Variants in GFOD1 observed in about 807,000 individuals in gnomAD.
GFOD1 encodes glucose-fructose oxidoreductase domain-containing protein 1.
Under a neutral mutation model 25.4 loss-of-function variants are expected in GFOD1, and 9 were observed. The observed-to-expected ratio is 0.35, with a 90% CI of 0.21 to 0.62. The LOEUF (loss-of-function observed/expected upper bound fraction) is 0.62, where lower values mean the gene tolerates loss of function less well. Ranked by LOEUF, GFOD1 falls within the 20% of genes least tolerant of loss-of-function variation. The probability of loss-of-function intolerance (pLI) is 0.72; values close to 1 mark genes in which losing one functional copy is unlikely to be tolerated. For missense variants in GFOD1, 403 were observed against 556.9 expected, an observed-to-expected ratio of 0.72 and a Z score of 2.78; for synonymous variants, 253 against 245.6, an observed-to-expected ratio of 1.03 and a Z score of -0.28.
chr6:13,384,119 C>G (rs2127559307), intron 1 of GFOD1, among the ~76,000 whole-genome samples: 1 of 152,262 alleles, frequency 6.6e-6, no homozygotes, highest in Non-Finnish European at 1.5e-5. Context: ...CCCAGCTACT[C>G]AGGAGGCTGA....
intron 1 of GFOD1, among the ~76,000 whole-genome samples, chr6:13,414,556 T>C (rs930918932): frequency 2.0e-5 from 3 of 152,210 alleles, no homozygotes; most frequent in Non-Finnish European, 4.4e-5. Context: ...GTTCAATTCC[T>C]GGCATGGCCA....
In GFOD1 at chr6:13,447,798, T is replaced by G. The variant is rs900444157; in HGVS notation, c.253+38840A>C. Among the ~76,000 whole-genome samples the G allele has an allele frequency of 1.5e-4, 20 of 134,880 alleles. No homozygotes were observed. The Admixed American group carries it at 1.5e-3, about 10-fold the overall frequency. 88.5% of individuals were successfully genotyped at this position (134,880 alleles called of 152,430 possible). On this transcript the variant is annotated intron_variant, in intron 1 of 1. Transcript: ENST00000379287. ...AGTTTTCCAGTCAAAGCAAAGTCATTAGGGAAAAGGCATCAATCAAAAAAG... is the reference window on the plus strand; with the variant it reads ...AGTTTTCCAGTCAAAGCAAAGTCATGAGGGAAAAGGCATCAATCAAAAAAG...
At position 13,409,121 on chromosome 6, in the gene GFOD1, GA is replaced by G. The variant is rs1184244508; in HGVS notation, c.254-43460del. On this transcript the variant is annotated intron_variant, in intron 1 of 1. Transcript: ENST00000379287. ...AGAAAGAAAGAAAGAAAGAAAGAAAGAAAGAAAGAAAGAAAGAAAGAAAGAA... is the reference window on the plus strand; with the variant it reads ...AGAAAGAAAGAAAGAAAGAAAGAAAGAAGAAAGAAAGAAAGAAAGAAAGAA... Among the ~76,000 whole-genome samples the G allele has an allele frequency of 1.6e-4, 10 of 62,054 alleles. 1 individual carries two copies. The highest frequency in any genetic ancestry group is 2.8e-4 in the Non-Finnish European group (7 of 24,756). 40.7% of individuals were successfully genotyped at this position (62,054 alleles called of 152,430 possible). A position where few individuals can be genotyped will look rare whatever the true frequency, so the allele number is the denominator to read the frequency against.
At chr6:13,390,777 GAGAAA>G (rs1785580584) in intron 1 of GFOD1, among the ~76,000 whole-genome samples, 1 of 75,424 alleles carries the variant, frequency 1.3e-5, no homozygotes, top group African/African-American at 4.7e-5. Flanking sequence ...GAGAGAGAGA[GAGAAA>G]GGAAGGAAGG....
Position 13,365,776 on chromosome 6 carries a change from G to A in GFOD1, c.254-114C>T. On this transcript the variant is annotated intron_variant, in intron 1 of 1. Transcript: ENST00000379287. The surrounding 1 kb of genome is among the most constrained non-coding windows in gnomAD (Gnocchi z 9.2). ...ATAGAAAAAGAAGGTCAGATGTGGT[G>A]GCTCATGCCTGTTGTCCCAGCACTT... The A allele has an allele frequency of 2.4e-6, 2 of 849,384 alleles. No homozygotes were observed. The highest frequency in any genetic ancestry group is 3.6e-6 in the Non-Finnish European group (2 of 557,302). The allele number at this position is 849,384 out of a possible 1,614,324, so 52.6% of individuals were successfully genotyped here.
chr6:13,429,966 C>T (rs1023377395), intron 1 of GFOD1, among the ~76,000 whole-genome samples: 2 of 152,134 alleles, frequency 1.3e-5, no homozygotes, highest in Non-Finnish European at 2.9e-5. Context: ...CAGAACCTTG[C>T]CACTTCCTGA....
chr6:13,382,990 G>C (rs1031543764), intron 1 of GFOD1, among the ~76,000 whole-genome samples: 1 of 152,178 alleles, frequency 6.6e-6, no homozygotes, highest in South Asian at 2.1e-4. Context: ...CCCTGCAAAG[G>C]ACATGATCTC....
At chr6:13,480,831 A>G (rs1490834589) in intron 1 of GFOD1, among the ~76,000 whole-genome samples, 1 of 152,222 alleles carries the variant, frequency 6.6e-6, no homozygotes, top group Non-Finnish European at 1.5e-5. Context: ...ACAACCACAC[A>G]TGAAAGTCTG....
At chr6:13,408,139 ACACCTTCTCTCTC>A in intron 1 of GFOD1, 1 of 976,076 alleles carries the variant, frequency 1.0e-6, no homozygotes, top group Non-Finnish European at 1.2e-6. Context: ...TTATGAAGTG[ACACCTTCTCTCTC>A]CAGCTCAGGC....
At chr6:13,469,787 G>C in intron 1 of GFOD1, 1 of 1,139,178 alleles carries the variant, frequency 8.8e-7, no homozygotes, top group South Asian at 1.5e-5. Flanking sequence ...CCTCTCTACA[G>C]TGAAATTTCT....
intron 1 of GFOD1, among the ~76,000 whole-genome samples, chr6:13,402,053 A>G (rs1410935786): frequency 2.0e-5 from 3 of 152,240 alleles, no homozygotes; most frequent in African/African-American, 7.2e-5. Context: ...CGATCAACAG[A>G]GTTTCAACAA....
In GFOD1 at chr6:13,393,130, TG is replaced by T. The variant is rs1785648862; in HGVS notation, c.254-27469del. On this transcript the variant is annotated intron_variant, in intron 1 of 1. Coordinates refer to ENST00000379287, the MANE Select transcript of GFOD1 (RefSeq NM_018988.4). ...CAGCACTTTGGGAGGTCAAGGTGGG[TG>T]GATCACTTGAGGTCAGGATTTCAAG... Among the ~76,000 whole-genome samples, 3 of 150,088 alleles carry T rather than the reference TG, an allele frequency of 2.0e-5. No individual in the cohort carries two copies. The South Asian group carries it at 6.3e-4, about 32-fold the overall frequency.
At position 13,487,135 on chromosome 6, in the gene GFOD1, G is replaced by A. The variant is rs1758891028; in HGVS notation, c.-245C>T. ...GCCACGCGGGGCTCGCGTCCTTCCCGGAGTCGGCGGCAGGGACCCCCCCAG... is the reference window on the plus strand; with the variant it reads ...GCCACGCGGGGCTCGCGTCCTTCCCAGAGTCGGCGGCAGGGACCCCCCCAG... On this transcript the variant is annotated 5_prime_UTR_variant, in exon 1 of 2. Transcript: ENST00000379287. This position sits in a 1 kb window ranked among gnomAD's most constrained non-coding sequence, Gnocchi z 4.9. The A allele has an allele frequency of 6.5e-6, 3 of 460,520 alleles. No homozygotes were observed. The highest frequency in any genetic ancestry group is 1.1e-5 in the Non-Finnish European group (3 of 264,856). The allele number at this position is 460,520 out of a possible 1,614,324, so 28.5% of individuals were successfully genotyped here. A position where few individuals can be genotyped will look rare whatever the true frequency, so the allele number is the denominator to read the frequency against.
chr6:13,406,963 T>C (rs1785957539), intron 1 of GFOD1, among the ~76,000 whole-genome samples: 1 of 152,214 alleles, frequency 6.6e-6, no homozygotes, highest in African/African-American at 2.4e-5. Context: ...AATAAAAAAC[T>C]CCATTTCCCA....
At position 13,470,182 on chromosome 6, in the gene GFOD1, C is replaced by T. The variant is rs148543580; in HGVS notation, c.253+16456G>A. The T allele has an allele frequency of 1.7e-4, 269 of 1,560,716 alleles. 1 individual carries two copies. In the African/African-American group the frequency reaches 2.5e-3, roughly 15 times the overall value. ...CCCACTGGCTTCCCCAGCACCTGCG[C>T]GCGATGAACGCATCTATCTGTAATC... On this transcript the variant is annotated intron_variant, in intron 1 of 1. Transcript: ENST00000379287.
Position 13,362,019 on chromosome 6 carries a change from T to A in GFOD1, c.*2724A>T, listed in dbSNP as rs183013987. 249 of 152,328 alleles carry A rather than the reference T, an allele frequency of 1.6e-3. 1 individual carries two copies. Among genetic ancestry groups the A allele is most frequent in the African/African-American group, 5.7e-3 (239 of 41,578 alleles). The allele number at this position is 152,328 out of a possible 1,614,324, so 9.4% of individuals were successfully genotyped here. ...ACCCCAGGAATATCCCTATTTAGGTTATGAATGACTTAGAAAAATGAAACC... is the reference window on the plus strand; with the variant it reads ...ACCCCAGGAATATCCCTATTTAGGTAATGAATGACTTAGAAAAATGAAACC... On this transcript the variant is annotated 3_prime_UTR_variant, in exon 2 of 2. Coordinates refer to ENST00000379287, the MANE Select transcript of GFOD1 (RefSeq NM_018988.4).
intron 1 of GFOD1, among the ~76,000 whole-genome samples, chr6:13,464,656 T>C (rs1758349128): frequency 6.6e-6 from 1 of 152,218 alleles, no homozygotes; most frequent in Admixed American, 6.5e-5. Context: ...AGATACTAAG[T>C]AAAGCAGACA....
rs757757440 is a variant in GFOD1, at chr6:13,487,165, C to T, written c.-275G>A. 16 of 412,112 alleles carry T rather than the reference C, an allele frequency of 3.9e-5. No individual in the cohort carries two copies. The highest frequency in any genetic ancestry group is 6.4e-5 in the Non-Finnish European group (15 of 234,090). The allele number at this position is 412,112 out of a possible 1,614,324, so 25.5% of individuals were successfully genotyped here. A position where few individuals can be genotyped will look rare whatever the true frequency, so the allele number is the denominator to read the frequency against. On this transcript the variant is annotated 5_prime_UTR_variant, in exon 1 of 2. Transcript: ENST00000379287. This position sits in a 1 kb window ranked among gnomAD's most constrained non-coding sequence, Gnocchi z 4.9. ...CGGCGGCAGGGACCCCCCCAGGGCG[C>T]CGGAGGCTTCGAAGCCCCCTGGAGC...
chr6:13,391,242 C>CA (rs1785600519), intron 1 of GFOD1, among the ~76,000 whole-genome samples: 1 of 150,566 alleles, frequency 6.6e-6, no homozygotes, highest in Non-Finnish European at 1.5e-5. Flanking sequence ...AATTATCTGA[C>CA]GGTGCTAGCT....
Sources: allele counts gnomAD v4.1 joint callset (sites outside exome capture counted in the v4.1 genomes callset), GRCh38; gene constraint gnomAD v4.1.1; non-coding constraint Gnocchi (gnomAD v3.1); transcripts MANE v1.5; gene names NCBI Gene and HGNC (gene_info 2026-07-23, HGNC 2026-07-21).